Variants in CEP290 observed in about 807,000 individuals in gnomAD.
CEP290 encodes centrosomal protein 290, also known as centrosomal protein of 290 kDa.
CEP290 carries 317 observed loss-of-function variants against 344.9 expected under a neutral mutation model. That is an observed-to-expected ratio of 0.92 (90% CI 0.84 to 1.01). CEP290 has a LOEUF of 1.01. CEP290 is among the 50% of genes least tolerant of loss of function. The pLI, the probability that CEP290 is intolerant of heterozygous loss-of-function variation, is 0.00. For missense variants in CEP290, 2,754 were observed against 2,761.4 expected, an observed-to-expected ratio of 1.00 and a Z score of 0.06; for synonymous variants, 932 against 895.8, an observed-to-expected ratio of 1.04 and a Z score of -0.72.
intron 27 of CEP290, among the ~76,000 whole-genome samples, chr12:88,096,443 A>G (rs1162736532): frequency 6.6e-6 from 1 of 152,142 alleles, no homozygotes; most frequent in Non-Finnish European, 1.5e-5. Flanking sequence ...AGGAGCAAAA[A>G]TATACAGTAA....
chr12:88,123,823 C>CT (rs2039564626), intron 13 of CEP290, among the ~76,000 whole-genome samples: 2 of 152,062 alleles, frequency 1.3e-5, no homozygotes, highest in African/African-American at 4.8e-5. Context: ...CATCTCAAAC[C>CT]TAACATGTCT....
At chr12:88,056,914 A>T (rs939555964) in intron 49 of CEP290, among the ~76,000 whole-genome samples, 4 of 152,092 alleles carry the variant, frequency 2.6e-5, no homozygotes, top group Non-Finnish European at 5.9e-5. Context: ...TAGGGAACCT[A>T]AATTTGAGGT....
At chr12:88,058,733 C>A in intron 49 of CEP290, 115 bp downstream of exon 49, 1 of 1,006,254 alleles carries the variant, frequency 9.9e-7, no homozygotes, top group South Asian at 1.5e-5. Context: ...AAACAACAAC[C>A]AAACAAACTG....
Position 88,118,520 on chromosome 12 carries a change from T to A in CEP290, c.1674A>T (p.Gln558His), listed in dbSNP as rs1312704091. 1 of 1,571,428 alleles carries A rather than the reference T, an allele frequency of 6.4e-7. No individual in the cohort carries two copies. Reference protein sequence around the residue: ...ERLDLKKKIRQMAQERGKRSA... With the variant: ...ERLDLKKKIRHMAQERGKRSA... ...TTCTTTTTCCTCTTTCTTGAGCCATTTGACGAATTTTTTTTTTCAGATCAA... is the reference window on the plus strand; with the variant it reads ...TTCTTTTTCCTCTTTCTTGAGCCATATGACGAATTTTTTTTTTCAGATCAA... The change falls in exon 17 of 54, where the codon CAA (glutamine) becomes CAT (histidine). Residue 558 changes from glutamine to histidine, a missense_variant. Physicochemically the swap from Gln to His is conservative, Grantham distance 24 (BLOSUM62 0). Transcript: ENST00000552810.
intron 6 of CEP290, among the ~76,000 whole-genome samples, chr12:88,134,287 T>C (rs763152804): frequency 2.0e-5 from 3 of 152,178 alleles, no homozygotes; most frequent in Non-Finnish European, 4.4e-5. Context: ...AACAACCAAT[T>C]ACATTCACCA....
At chr12:88,076,391 T>C (rs1187275011) in intron 41 of CEP290, among the ~76,000 whole-genome samples, 2 of 152,190 alleles carry the variant, frequency 1.3e-5, no homozygotes, top group Non-Finnish European at 2.9e-5. Flanking sequence ...TTTCATGTGA[T>C]TGAAATTATT....
At position 88,115,934 on chromosome 12, in the gene CEP290, A is replaced by G. The variant is rs995939682; in HGVS notation, c.1825-752T>C. 4 of 984,676 alleles carry G rather than the reference A, an allele frequency of 4.1e-6. No homozygotes were observed. Among genetic ancestry groups the G allele is most frequent in the Admixed American group, 6.2e-5 (1 of 16,260 alleles). The allele number at this position is 984,676 out of a possible 1,614,324, so 61.0% of individuals were successfully genotyped here. On this transcript the variant is annotated intron_variant, in intron 18 of 53. Coordinates refer to ENST00000552810, the MANE Select transcript of CEP290 (RefSeq NM_025114.4). ...GTAAGGGTACTTCACTTTTTATTAT[A>G]TCTTCTTTCAAATTGATATCAGCAT...
At chr12:88,058,763 G>A in intron 49 of CEP290, 85 bp downstream of exon 49, 1 of 1,317,474 alleles carries the variant, frequency 7.6e-7, no homozygotes, top group East Asian at 2.4e-5. Context: ...AAGAAACCAG[G>A]TTATCCAGAA....
chr12:88,083,285 T>C (rs537048637), intron 36 of CEP290, 55 bp from the exon 37 acceptor site: 9 of 975,278 alleles, frequency 9.2e-6, no homozygotes, highest in South Asian at 5.7e-5. Context: ...GCCATACTTA[T>C]TCCATATTTT....
chr12:88,126,040 TTAAA>T (rs1232508426), intron 12 of CEP290, among the ~76,000 whole-genome samples: 2 of 152,074 alleles, frequency 1.3e-5, no homozygotes, highest in Admixed American at 6.5e-5. Context: ...TCATTTCTTG[TTAAA>T]TAATTTCTAA....
intron 17 of CEP290, 73 bp downstream of exon 17, chr12:88,118,410 C>G: frequency 8.2e-7 from 1 of 1,215,956 alleles, no homozygotes. Flanking sequence ...ACAGCTAAGA[C>G]ACAAATAATT....
chr12:88,132,042 C>A (rs975665458), intron 6 of CEP290, among the ~76,000 whole-genome samples: 2 of 152,172 alleles, frequency 1.3e-5, no homozygotes, highest in African/African-American at 4.8e-5. Context: ...TCAGTTTTCT[C>A]ATACATGCTG....
chr12:88,050,023 G>A (rs1013655793), intron 53 of CEP290: 22 of 192,676 alleles, frequency 1.1e-4, no homozygotes, highest in Non-Finnish European at 1.8e-4. Context: ...TTTTTTAAGG[G>A]AACTATAACC....
chr12:88,053,582 A>G (rs2033744124), intron 52 of CEP290, 70 bp downstream of exon 52: 1 of 605,398 alleles, frequency 1.7e-6, no homozygotes, highest in Admixed American at 3.0e-5. Flanking sequence ...CTGAGCCAAA[A>G]AAAAAAAAAA....
intron 3 of CEP290, among the ~76,000 whole-genome samples, chr12:88,140,630 T>C (rs1275838093): frequency 1.3e-5 from 2 of 152,214 alleles, no homozygotes; most frequent in Non-Finnish European, 2.9e-5. Flanking sequence ...TGAAGTCTTC[T>C]GACATCTCTT....
In CEP290 at chr12:88,077,828, A is replaced by G. The variant is rs2035893944; in HGVS notation, c.5455T>C (p.Leu1819=). ...TGCAGTTCATTATTTAAGTCATTCA[A>G]ATTATCAGTTAGTGAGTTTTCTCTG... ...KNRENSLTDN[L]NDLNNELQKK... Residue 1819 remains leucine (L), a synonymous_variant, in exon 40 of 54, where the codon TTG becomes CTG. Coordinates refer to ENST00000552810, the MANE Select transcript of CEP290 (RefSeq NM_025114.4). 1 of 1,517,608 alleles carries G rather than the reference A, an allele frequency of 6.6e-7. No individual in the cohort carries two copies. Among genetic ancestry groups the G allele is most frequent in the Non-Finnish European group, 9.0e-7 (1 of 1,108,994 alleles). The allele number at this position is 1,517,608 out of a possible 1,614,324, so 94.0% of individuals were successfully genotyped here. A position where few individuals can be genotyped will look rare whatever the true frequency, so the allele number is the denominator to read the frequency against.
chr12:88,057,923 T>G (rs943735383), intron 49 of CEP290: 1 of 152,224 alleles, frequency 6.6e-6, no homozygotes, highest in African/African-American at 2.4e-5. Flanking sequence ...AAAGGGGACA[T>G]TGGAGGTGCA....
chr12:88,133,338 C>T (rs1264600772), intron 6 of CEP290, among the ~76,000 whole-genome samples: 9 of 152,036 alleles, frequency 5.9e-5, no homozygotes, highest in East Asian at 1.9e-4. Context: ...CTGCCTGCCT[C>T]GGCCTCCCAA....
intron 43 of CEP290, 81 bp from the exon 44 acceptor site, chr12:88,068,726 AAAG>A: frequency 4.9e-6 from 7 of 1,428,640 alleles, no homozygotes; most frequent in Non-Finnish European, 6.6e-6. Flanking sequence ...CAAGATAAAA[AAAG>A]AAAAGTTCAG....
Sources: gnomAD v4.1 joint callset for allele counts (sites outside exome capture counted in the v4.1 genomes callset) on GRCh38, gnomAD v4.1.1 for gene constraint, MANE v1.5 for transcripts, NCBI Gene and HGNC (gene_info 2026-07-23, HGNC 2026-07-21) for gene names.